Variants in FAM110C observed in about 807,000 individuals in gnomAD.
FAM110C encodes the protein protein FAM110C.
Under a neutral mutation model 15.7 loss-of-function variants are expected in FAM110C, and 19 were observed. The ratio of observed to expected loss-of-function variants is 1.21; its 90% CI spans 0.85 to 1.78. The LOEUF (loss-of-function observed/expected upper bound fraction) is 1.78, where lower values mean the gene tolerates loss of function less well. FAM110C is among the 40% of genes most tolerant of loss of function. The pLI is 0.00. For synonymous variants in FAM110C, 275 were observed against 233.9 expected (o/e 1.18, Z -1.61); for missense variants, 547 against 495.7 (o/e 1.10, Z -0.98).
intron 1 of FAM110C, chr2:44,285 AGAAT>A (rs1454936275): frequency 1.6e-5 from 16 of 985,298 alleles, no homozygotes; most frequent in Non-Finnish European, 1.8e-5. Context: ...TTCAAGAAAA[AGAAT>A]GAATTATCTT....
rs921532959 is a variant in FAM110C at position 40,345 on chromosome 2, T to G, written c.*1263A>C. 4 of 152,132 alleles carry G rather than the reference T, an allele frequency of 2.6e-5. No individual in the cohort carries two copies. The highest frequency in any genetic ancestry group is 5.9e-5 in the Non-Finnish European group (4 of 68,022). The allele number at this position is 152,132 out of a possible 1,614,324, so 9.4% of individuals were successfully genotyped here. ...TCAAAATGAAATGGTTAACAAAATA[T>G]CATATCAATGAGAAACCCATTTCTC... On this transcript the variant is annotated 3_prime_UTR_variant, in exon 2 of 2. Coordinates refer to ENST00000327669, the MANE Select transcript of FAM110C (RefSeq NM_001077710.3).
In FAM110C at chr2:44,402, G is replaced by C. The variant is rs527971771; in HGVS notation, c.946+1038C>G. ...GGTGAGCCCTGTGCAAACATCTCTT[G>C]GGCAGCCTCCCCCAAACTCTACAGG... On this transcript the variant is annotated intron_variant, in intron 1 of 1. Transcript: ENST00000327669. 5.2e-5 allele frequency: 51 copies of C among 985,314 alleles called. No individual in the cohort carries two copies. In the South Asian group the frequency reaches 1.9e-3, roughly 37 times the overall value. 61.0% of individuals were successfully genotyped at this position (985,314 alleles called of 1,614,324 possible). A position where few individuals can be genotyped will look rare whatever the true frequency, so the allele number is the denominator to read the frequency against.
Position 41,475 on chromosome 2 carries a change from C to T in FAM110C, c.*133G>A, listed in dbSNP as rs1664123453. On this transcript the variant is annotated 3_prime_UTR_variant, in exon 2 of 2. Transcript: ENST00000327669. ...CCATATTCTCTGTAGTATTTTAAACCTTCTCAGAGCACTTGTTTTGTCAAT... is the reference window on the plus strand; with the variant it reads ...CCATATTCTCTGTAGTATTTTAAACTTTCTCAGAGCACTTGTTTTGTCAAT... 2 of 1,006,144 alleles carry T rather than the reference C, an allele frequency of 2.0e-6. No homozygotes were observed. The highest frequency in any genetic ancestry group is 1.5e-6 in the Non-Finnish European group (1 of 682,648). 62.3% of individuals were successfully genotyped at this position (1,006,144 alleles called of 1,614,324 possible).
At chr2:43,855 G>A (rs571854196) in intron 1 of FAM110C, 2 of 985,240 alleles carry the variant, frequency 2.0e-6, no homozygotes, top group African/African-American at 3.5e-5. Context: ...TTCCATTTCT[G>A]GGTTTCAGTC....
rs911596154 is a variant in FAM110C at position 39,897 on chromosome 2, T to A, written c.*1711A>T. On this transcript the variant is annotated 3_prime_UTR_variant, in exon 2 of 2. Transcript: ENST00000327669. ...TCTCATCTTTCACATTATCTTCTTT[T>A]TAACTAAGTGCAATACAGTGAACAG... 1 of 152,226 alleles carries A rather than the reference T, an allele frequency of 6.6e-6. No homozygotes were observed. Among genetic ancestry groups the A allele is most frequent in the African/African-American group, 2.4e-5 (1 of 41,452 alleles). The allele number at this position is 152,226 out of a possible 1,614,324, so 9.4% of individuals were successfully genotyped here. A position where few individuals can be genotyped will look rare whatever the true frequency, so the allele number is the denominator to read the frequency against.
At chr2:42,422 A>C (rs942427816) in intron 1 of FAM110C, 53 of 607,292 alleles carry the variant, frequency 8.7e-5, no homozygotes, top group Non-Finnish European at 9.9e-5. Flanking sequence ...ATTCTACGCA[A>C]AACAGAAAAC....
In FAM110C at chr2:45,706, TC is replaced by T; in HGVS notation, c.679del (p.Glu227ArgfsTer18). The T allele has an allele frequency of 6.2e-7, 1 of 1,603,284 alleles. No individual in the cohort carries two copies. The highest frequency in any genetic ancestry group is 8.5e-7 in the Non-Finnish European group (1 of 1,175,792). ...CTCCCTCCCCAGGGCCTCCACCACC[TC>T]GGGGTCCAGGCCGCAGTACTGGAAG... ...TFFQYCGLDP[E>X]VVEALGRENF... On this transcript the variant is annotated frameshift_variant, in exon 1 of 2. Coordinates refer to ENST00000327669, the MANE Select transcript of FAM110C (RefSeq NM_001077710.3). LOFTEE classifies it high-confidence loss of function.
rs1664098869 is a variant in FAM110C at position 40,616 on chromosome 2, A to G, written c.*992T>C. 1 of 152,198 alleles carries G rather than the reference A, an allele frequency of 6.6e-6. No homozygotes were observed. The highest frequency in any genetic ancestry group is 1.5e-5 in the Non-Finnish European group (1 of 68,046). The allele number at this position is 152,198 out of a possible 1,614,324, so 9.4% of individuals were successfully genotyped here. On this transcript the variant is annotated 3_prime_UTR_variant, in exon 2 of 2. Transcript: ENST00000327669. ...TGTTTCAAAATATGCCCTTTGCAGA[A>G]AAGAGTGAATTGGTGTCAAATTTGG...
At position 45,582 on chromosome 2, in the gene FAM110C, G is replaced by C. The variant is rs768090761; in HGVS notation, c.804C>G (p.Asp268Glu). The part of the protein sequence containing the change: ...SGFSRHSGGD[D>E]EGLQEEELIE... ...TCAGCTCCTCCTCCTGCAGCCCCTC[G>C]TCGTCGCCGCCGCTGTGCCGGGAGA... The change falls in exon 1 of 2, where the codon GAC becomes GAG. Residue 268 changes from aspartate to glutamate, a missense_variant. Coordinates refer to ENST00000327669, the MANE Select transcript of FAM110C (RefSeq NM_001077710.3). 6.2e-7 allele frequency: 1 copy of C among 1,612,780 alleles called. No homozygotes were observed. Among genetic ancestry groups the C allele is most frequent in the Non-Finnish European group, 8.5e-7 (1 of 1,179,906 alleles).
chr2:45,042 A>G lies in FAM110C; in HGVS notation c.946+398T>C, dbSNP rs553928180. ...GACCGCCCACAGCACAGGTCAATGA[A>G]CTCAGGAACTAGGGCTCTCAAGCTG... On this transcript the variant is annotated intron_variant, in intron 1 of 1. Coordinates refer to ENST00000327669, the MANE Select transcript of FAM110C (RefSeq NM_001077710.3). 1.2e-4 allele frequency: 114 copies of G among 985,386 alleles called. No homozygotes were observed. The African/African-American group carries it at 2.0e-3, about 17-fold the overall frequency. 61.0% of individuals were successfully genotyped at this position (985,386 alleles called of 1,614,324 possible). A position where few individuals can be genotyped will look rare whatever the true frequency, so the allele number is the denominator to read the frequency against.
chr2:45,856 G>A lies in FAM110C; in HGVS notation c.530C>T (p.Pro177Leu), dbSNP rs757199680. The A allele has an allele frequency of 6.6e-7, 1 of 1,512,874 alleles. No individual in the cohort carries two copies. Among genetic ancestry groups the A allele is most frequent in the South Asian group, 1.2e-5 (1 of 80,590 alleles). The allele number at this position is 1,512,874 out of a possible 1,614,324, so 93.7% of individuals were successfully genotyped here. Reference protein sequence around the residue: ...TPAPAARSAAPSSVPAAPPGP... With the variant: ...TPAPAARSAALSSVPAAPPGP... Reference sequence around the variant, plus strand: ...AGGGGGCGCGGCCGGGACACTGGAGGGCGCCGCGGACCGCGCGGCTGGGGC... The same window carrying A: ...AGGGGGCGCGGCCGGGACACTGGAGAGCGCCGCGGACCGCGCGGCTGGGGC... The change falls in exon 1 of 2, where the codon CCC (proline) becomes CTC (leucine). Residue 177 changes from proline (P) to leucine (L), a missense_variant. Pro to Leu is a moderately conservative substitution (Grantham distance 98, BLOSUM62 -3). Coordinates refer to ENST00000327669, the MANE Select transcript of FAM110C (RefSeq NM_001077710.3).
intron 1 of FAM110C, chr2:43,997 C>T (rs1664204972): frequency 1.0e-6 from 1 of 985,292 alleles, no homozygotes; most frequent in Non-Finnish European, 1.2e-6. Flanking sequence ...ATAAGACAGG[C>T]CCTTAATTCT....
At chr2:41,780 G>C in intron 1 of FAM110C, 153 bp from the exon 2 acceptor site, 2 of 985,186 alleles carry the variant, frequency 2.0e-6, no homozygotes, top group Non-Finnish European at 2.4e-6. Flanking sequence ...TTTAAATTTT[G>C]ACAAGAGGTC....
chr2:45,564 C>G lies in FAM110C; in HGVS notation c.822G>C (p.Glu274Asp). 1 of 1,613,848 alleles carries G rather than the reference C, an allele frequency of 6.2e-7. No homozygotes were observed. Among genetic ancestry groups the G allele is most frequent in the South Asian group, 1.1e-5 (1 of 91,086 alleles). Residue 274 changes from glutamate (E) to aspartate (D), a missense_variant, in exon 1 of 2, where the codon GAG becomes GAC. Coordinates refer to ENST00000327669, the MANE Select transcript of FAM110C (RefSeq NM_001077710.3). ...SGGDDEGLQEEELIEQVPSTT... is the reference protein window; with the variant it reads ...SGGDDEGLQEDELIEQVPSTT... ...TGCTGGGCACCTGCTCTATCAGCTC[C>G]TCCTCCTGCAGCCCCTCGTCGTCGC...
chr2:41,559 A>G lies in FAM110C; in HGVS notation c.*49T>C, dbSNP rs752544225. Reference sequence around the variant, plus strand: ...GTGGTCACCTAGGCACACTAGCCAAATGGTCCTGGGATCCCAAATCACCCA... The same window carrying G: ...GTGGTCACCTAGGCACACTAGCCAAGTGGTCCTGGGATCCCAAATCACCCA... On this transcript the variant is annotated 3_prime_UTR_variant, in exon 2 of 2. Coordinates refer to ENST00000327669, the MANE Select transcript of FAM110C (RefSeq NM_001077710.3). 6.2e-7 allele frequency: 1 copy of G among 1,610,584 alleles called. No homozygotes were observed. Among genetic ancestry groups the G allele is most frequent in the Middle Eastern group, 1.6e-4 (1 of 6,062 alleles).
At chr2:42,749 C>G (rs1284922726) in intron 1 of FAM110C, 1 of 772,752 alleles carries the variant, frequency 1.3e-6, no homozygotes, top group Non-Finnish European at 1.6e-6. Flanking sequence ...AAATCTCTAT[C>G]TACCAAGAGG....
chr2:41,469 T>G lies in FAM110C; in HGVS notation c.*139A>C, dbSNP rs938314245. 3 of 948,560 alleles carry G rather than the reference T, an allele frequency of 3.2e-6. No individual in the cohort carries two copies. Among genetic ancestry groups the G allele is most frequent in the Non-Finnish European group, 4.7e-6 (3 of 632,430 alleles). 58.8% of individuals were successfully genotyped at this position (948,560 alleles called of 1,614,324 possible). A position where few individuals can be genotyped will look rare whatever the true frequency, so the allele number is the denominator to read the frequency against. ...GTGTTCCCATATTCTCTGTAGTATT[T>G]TAAACCTTCTCAGAGCACTTGTTTT... On this transcript the variant is annotated 3_prime_UTR_variant, in exon 2 of 2. Coordinates refer to ENST00000327669, the MANE Select transcript of FAM110C (RefSeq NM_001077710.3).
intron 1 of FAM110C, chr2:42,251 T>A: frequency 1.0e-6 from 1 of 985,472 alleles, no homozygotes; most frequent in Non-Finnish European, 1.2e-6. Context: ...GAGCTTTCGA[T>A]GCGCTTCTAC....
At chr2:44,043 A>G in intron 1 of FAM110C, 1 of 985,370 alleles carries the variant, frequency 1.0e-6, no homozygotes, top group Non-Finnish European at 1.2e-6. Context: ...CTGTCCCTCC[A>G]CGGACCTGGC....
Sources: allele counts gnomAD v4.1 joint callset, GRCh38; gene constraint gnomAD v4.1.1; transcripts MANE v1.5; gene names NCBI Gene and HGNC (gene_info 2026-07-23, HGNC 2026-07-21).